The following SSBP2 variants were observed in gnomAD, a reference collection of about 807,000 sequenced individuals.
The protein encoded by SSBP2 is single stranded DNA binding protein 2, also known as single-stranded DNA-binding protein 2.
SSBP2 carries 17 observed loss-of-function variants against 61.8 expected under a neutral mutation model. The observed-to-expected ratio is 0.28, with a 90% CI of 0.19 to 0.41. The LOEUF (loss-of-function observed/expected upper bound fraction) is 0.41. SSBP2 is among the 10% of genes least tolerant of loss of function. SSBP2 has a pLI of 1.00. For synonymous variants in SSBP2, 139 were observed against 141.3 expected (o/e 0.98, Z 0.12); for missense variants, 310 against 458.7 (o/e 0.68, Z 2.96).
At chr5:81,719,016 A>G (rs1755367517) in intron 1 of SSBP2, among the ~76,000 whole-genome samples, 1 of 152,160 alleles carries the variant, frequency 6.6e-6, no homozygotes, top group Admixed American at 6.5e-5. Context: ...TCCCCCGTTT[A>G]CATTTTTTAT....
chr5:81,615,183 ATATT>A (rs1745885658), intron 4 of SSBP2: 1 of 219,450 alleles, frequency 4.6e-6, no homozygotes, highest in Non-Finnish European at 8.9e-6. Flanking sequence ...AAATTACTAT[ATATT>A]TAATTTTCAT....
chr5:81,532,073 G>A (rs550923122), intron 4 of SSBP2, among the ~76,000 whole-genome samples: 1 of 152,062 alleles, frequency 6.6e-6, no homozygotes, highest in African/African-American at 2.4e-5. Context: ...TGCATGAAAA[G>A]TTATCAACTG....
At chr5:81,659,550 G>A (rs1750510842) in intron 1 of SSBP2, among the ~76,000 whole-genome samples, 1 of 152,092 alleles carries the variant, frequency 6.6e-6, no homozygotes, top group African/African-American at 2.4e-5. Flanking sequence ...CCATGCTTAT[G>A]GCTAGAAAGA....
rs1021079927 is a variant in SSBP2, at chr5:81,415,505, TTTTA to T, written c.*4995_*4998del. ...TTGTAATTATTGTTGTATTATTGGTTTTTATTGTTATAAAAATTTTTTCCAATAT... is the reference window on the plus strand; with the variant it reads ...TTGTAATTATTGTTGTATTATTGGTTTTGTTATAAAAATTTTTTCCAATAT... On this transcript the variant is annotated 3_prime_UTR_variant, in exon 17 of 17. Coordinates refer to ENST00000320672, the MANE Select transcript of SSBP2 (RefSeq NM_012446.5). The T allele has an allele frequency of 6.6e-6, 1 of 152,184 alleles. No homozygotes were observed. Among genetic ancestry groups the T allele is most frequent in the Non-Finnish European group, 1.5e-5 (1 of 68,036 alleles). The allele number at this position is 152,184 out of a possible 1,614,324, so 9.4% of individuals were successfully genotyped here.
At chr5:81,512,571 G>C (rs1768698462) in intron 5 of SSBP2, among the ~76,000 whole-genome samples, 1 of 152,102 alleles carries the variant, frequency 6.6e-6, no homozygotes, top group African/African-American at 2.4e-5. Flanking sequence ...TAGACTACTT[G>C]GGTATTAATA....
chr5:81,589,858 C>T (rs1775357583), intron 4 of SSBP2, among the ~76,000 whole-genome samples: 2 of 151,834 alleles, frequency 1.3e-5, no homozygotes, highest in Admixed American at 6.6e-5. Context: ...GGTGAGAGAG[C>T]AAGAGGGTGA....
intron 5 of SSBP2, among the ~76,000 whole-genome samples, chr5:81,495,455 C>A (rs567925754): frequency 6.6e-6 from 1 of 152,166 alleles, no homozygotes; most frequent in Non-Finnish European, 1.5e-5. Flanking sequence ...CTTTTCTCTG[C>A]CAAGTAAATT....
intron 8 of SSBP2, among the ~76,000 whole-genome samples, chr5:81,473,379 C>T (rs887686512): frequency 6.6e-6 from 1 of 152,144 alleles, no homozygotes; most frequent in Admixed American, 6.6e-5. Flanking sequence ...CATGCATTAG[C>T]GATTTGTCCC....
chr5:81,691,951 C>T (rs1482303667), intron 1 of SSBP2, among the ~76,000 whole-genome samples: 2 of 152,070 alleles, frequency 1.3e-5, no homozygotes. Flanking sequence ...ATCTGGAACT[C>T]AACAAGGATG....
chr5:81,745,804 GT>G (rs1205683716), intron 1 of SSBP2, among the ~76,000 whole-genome samples: 5 of 151,818 alleles, frequency 3.3e-5, no homozygotes, highest in African/African-American at 1.2e-4. Flanking sequence ...AATTTGAATT[GT>G]TTTTTCCCCC....
intron 4 of SSBP2, among the ~76,000 whole-genome samples, chr5:81,544,111 G>A (rs1031412749): frequency 1.3e-5 from 2 of 152,142 alleles, no homozygotes; most frequent in South Asian, 2.1e-4. Flanking sequence ...GTGCAGTGGC[G>A]GGATCTCGGC....
At chr5:81,645,835 G>A (rs542148506) in intron 2 of SSBP2, among the ~76,000 whole-genome samples, 156 of 152,218 alleles carry the variant, frequency 1.0e-3, no homozygotes, top group African/African-American at 3.5e-3. Flanking sequence ...CTACATTTTG[G>A]ATTCAGGTAG....
At chr5:81,455,625 CAAAAAAA>C (rs537363119) in intron 10 of SSBP2, among the ~76,000 whole-genome samples, 1 of 12,562 alleles carries the variant, frequency 8.0e-5, no homozygotes, top group Non-Finnish European at 1.1e-4. Flanking sequence ...GACTCCGTCT[CAAAAAAA>C]AAAAAAAAAA....
chr5:81,497,697 A>G (rs775032533), intron 5 of SSBP2, among the ~76,000 whole-genome samples: 1 of 152,182 alleles, frequency 6.6e-6, no homozygotes, highest in Non-Finnish European at 1.5e-5. Context: ...TGGGGACCCC[A>G]AATATCCATA....
chr5:81,439,554 T>G (rs1009518093), intron 14 of SSBP2, among the ~76,000 whole-genome samples: 2 of 151,386 alleles, frequency 1.3e-5, no homozygotes, highest in African/African-American at 4.9e-5. Flanking sequence ...CAGGCTGCAG[T>G]GCAATGGAGC....
intron 1 of SSBP2, among the ~76,000 whole-genome samples, chr5:81,698,210 GA>G (rs1012733385): frequency 6.6e-6 from 1 of 152,116 alleles, no homozygotes; most frequent in Non-Finnish European, 1.5e-5. Context: ...ATAATTTTAA[GA>G]TTTTTTTGGC....
At chr5:81,599,776 T>G (rs986796628) in intron 4 of SSBP2, among the ~76,000 whole-genome samples, 1 of 152,252 alleles carries the variant, frequency 6.6e-6, no homozygotes, top group African/African-American at 2.4e-5. Context: ...GTAGTGTGGA[T>G]GCAGAGGGGA....
intron 4 of SSBP2, among the ~76,000 whole-genome samples, chr5:81,515,043 T>TA (rs1288094999): frequency 2.0e-5 from 3 of 152,064 alleles, no homozygotes; most frequent in African/African-American, 7.2e-5. Flanking sequence ...ATGGAATACC[T>TA]ACCATTTGTC....
At chr5:81,694,864 AG>A (rs1378989765) in intron 1 of SSBP2, among the ~76,000 whole-genome samples, 1 of 152,208 alleles carries the variant, frequency 6.6e-6, no homozygotes, top group African/African-American at 2.4e-5. Flanking sequence ...TACGACTAGA[AG>A]TACAAGGCAC....
Sources: gnomAD v4.1 joint callset for allele counts (sites outside exome capture counted in the v4.1 genomes callset) on GRCh38, gnomAD v4.1.1 for gene constraint, MANE v1.5 for transcripts, NCBI Gene and HGNC (gene_info 2026-07-23, HGNC 2026-07-21) for gene names.